Variants in FRMD3 observed in about 807,000 individuals in gnomAD.
FRMD3 encodes the protein FERM domain containing 3.
Under a neutral mutation model 70.2 loss-of-function variants are expected in FRMD3, and 33 were observed. The observed-to-expected ratio is 0.47, with a 90% CI of 0.36 to 0.63. The LOEUF (loss-of-function observed/expected upper bound fraction) is 0.63. Among genes scored for constraint, FRMD3 ranks in the 20% least tolerant of loss-of-function variants. The pLI, the probability that FRMD3 is intolerant of heterozygous loss-of-function variation, is 0.00. For missense variants in FRMD3, 632 were observed against 711.4 expected, an observed-to-expected ratio of 0.89 and a Z score of 1.27; for synonymous variants, 279 against 255.9, an observed-to-expected ratio of 1.09 and a Z score of -0.86.
intron 13 of FRMD3, among the ~76,000 whole-genome samples, chr9:83,273,404 T>C (rs1833679377): frequency 1.3e-5 from 2 of 151,096 alleles, no homozygotes; most frequent in Non-Finnish European, 2.9e-5. Context: ...GTGCAAGATG[T>C]GCTTTGTTAA....
At chr9:83,326,863 A>G (rs764652701) in intron 6 of FRMD3, among the ~76,000 whole-genome samples, 2 of 152,260 alleles carry the variant, frequency 1.3e-5, no homozygotes, top group African/African-American at 2.4e-5. Flanking sequence ...CTAATATATT[A>G]GATGAGGTCA....
At chr9:83,575,905 G>A in the FRMD3 span, among the ~76,000 whole-genome samples, 1 of 151,884 alleles carries the variant, frequency 6.6e-6, no homozygotes, top group Non-Finnish European at 1.5e-5. Context: ...AATTCTATTG[G>A]GCCAGCATTA....
intron 1 of FRMD3, among the ~76,000 whole-genome samples, chr9:83,409,516 C>A (rs1449898719): frequency 3.3e-5 from 5 of 152,176 alleles, no homozygotes; most frequent in Admixed American, 3.3e-4. Flanking sequence ...AGAGGATGGA[C>A]AAAAACTTTT....
intron 1 of FRMD3, among the ~76,000 whole-genome samples, chr9:83,442,289 G>A (rs1346266149): frequency 1.6e-5 from 2 of 127,032 alleles, no homozygotes; most frequent in Non-Finnish European, 3.2e-5. Flanking sequence ...ACAGAGTCTT[G>A]TTCTGTTGCC....
chr9:83,474,388 T>C (rs565987553), intron 1 of FRMD3, among the ~76,000 whole-genome samples: 1 of 152,288 alleles, frequency 6.6e-6, no homozygotes, highest in South Asian at 2.1e-4. Context: ...ATCAATAATA[T>C]TCAATTCACT....
intron 4 of FRMD3, 107 bp downstream of exon 4, chr9:83,349,567 TTGCAA>T: frequency 1.5e-6 from 1 of 656,494 alleles, no homozygotes; most frequent in Non-Finnish European, 2.6e-6. Flanking sequence ...AATTCCAAGC[TTGCAA>T]CACTGAGACG....
At position 83,247,428 on chromosome 9, in the gene FRMD3, T is replaced by TA; in HGVS notation, c.*489dup. ...AATTTACCAAAATAGTTTGAACACA[T>TA]AAAAATATTTTTAAAAAAACAGAAC... is the stretch of plus-strand genomic sequence containing the variant. On this transcript the variant is annotated 3_prime_UTR_variant, in exon 14 of 14. Transcript: ENST00000304195. The TA allele has an allele frequency of 1.0e-6, 1 of 974,192 alleles. No homozygotes were observed. Among genetic ancestry groups the TA allele is most frequent in the Non-Finnish European group, 1.2e-6 (1 of 820,634 alleles). 60.3% of individuals were successfully genotyped at this position (974,192 alleles called of 1,614,324 possible).
chr9:83,452,558 T>C (rs1827695422), intron 1 of FRMD3, among the ~76,000 whole-genome samples: 1 of 151,558 alleles, frequency 6.6e-6, no homozygotes, highest in South Asian at 2.1e-4. Context: ...CTCGGCTCAC[T>C]GCAAGCACCG....
chr9:83,282,759 G>A (rs1384515696), intron 13 of FRMD3, among the ~76,000 whole-genome samples: 2 of 152,192 alleles, frequency 1.3e-5, no homozygotes, highest in Non-Finnish European at 2.9e-5. Flanking sequence ...GCAGCCACCT[G>A]AACCACTGCT....
At chr9:83,243,332 G>T, downstream of FRMD3, 1 of 1,057,964 alleles carries the variant, frequency 9.5e-7, no homozygotes, top group Non-Finnish European at 1.4e-6. Context: ...GAGTGGCCCA[G>T]AGGGACTCAA....
chr9:83,419,609 A>C (rs532956394), intron 1 of FRMD3, among the ~76,000 whole-genome samples: 1 of 148,522 alleles, frequency 6.7e-6, no homozygotes, highest in African/African-American at 2.5e-5. Context: ...TGCGTGTGTG[A>C]TATGTGTGTG....
the FRMD3 span, among the ~76,000 whole-genome samples, chr9:83,550,687 A>AGTGTGT: frequency 0.14 from 19,178 of 138,716 alleles, 1,481 homozygotes; most frequent in East Asian, 0.27. Flanking sequence ...AGTCCTAGGT[A>AGTGTGT]GTGTGTGTGT....
At chr9:83,374,362 C>T (rs2131261174) in intron 2 of FRMD3, among the ~76,000 whole-genome samples, 1 of 151,612 alleles carries the variant, frequency 6.6e-6, no homozygotes, top group East Asian at 1.9e-4. Context: ...ATAAGAGTTT[C>T]AACATTATGG....
chr9:83,306,304 G>A (rs558286671), intron 10 of FRMD3, among the ~76,000 whole-genome samples: 6 of 152,228 alleles, frequency 3.9e-5, no homozygotes, highest in South Asian at 2.1e-4. Flanking sequence ...CTGTCTGCAC[G>A]TAAAGAATGA....
chr9:83,253,230 CA>C (rs1832513235), intron 13 of FRMD3, among the ~76,000 whole-genome samples: 1 of 152,152 alleles, frequency 6.6e-6, no homozygotes, highest in African/African-American at 2.4e-5. Context: ...CAAAACCACA[CA>C]ACTACATGGA....
At chr9:83,475,428 A>G (rs369021213) in intron 1 of FRMD3, among the ~76,000 whole-genome samples, 2 of 152,280 alleles carry the variant, frequency 1.3e-5, no homozygotes, top group African/African-American at 2.4e-5. Context: ...TAATAGTTCA[A>G]TAGAAAATGC....
chr9:83,550,687 A>AGAGTGTGT, the FRMD3 span, among the ~76,000 whole-genome samples: 11 of 138,868 alleles, frequency 7.9e-5, no homozygotes, highest in Non-Finnish European at 1.6e-4. Flanking sequence ...AGTCCTAGGT[A>AGAGTGTGT]GTGTGTGTGT....
chr9:83,441,414 T>G (rs1206609159), intron 1 of FRMD3, among the ~76,000 whole-genome samples: 2 of 152,208 alleles, frequency 1.3e-5, no homozygotes, highest in African/African-American at 2.4e-5. Context: ...AAAAAATAAA[T>G]AATCTCAGCT....
chr9:83,501,531 T>C (rs1278138813), intron 1 of FRMD3, among the ~76,000 whole-genome samples: 3 of 152,212 alleles, frequency 2.0e-5, no homozygotes, highest in Non-Finnish European at 4.4e-5. Context: ...GGGGATATAA[T>C]TTGTAATTTC....
Sources: gnomAD v4.1 joint callset for allele counts (sites outside exome capture counted in the v4.1 genomes callset) on GRCh38, gnomAD v4.1.1 for gene constraint, MANE v1.5 for transcripts, NCBI Gene and HGNC (gene_info 2026-07-23, HGNC 2026-07-21) for gene names.